Variants in PRKCE observed in about 807,000 individuals in gnomAD.
The protein encoded by PRKCE is protein kinase C epsilon.
Under a neutral mutation model 85.4 loss-of-function variants are expected in PRKCE, and 16 were observed. That is an observed-to-expected ratio of 0.19 (90% CI 0.13 to 0.28). The LOEUF (loss-of-function observed/expected upper bound fraction) is 0.28. Ranked by LOEUF, PRKCE falls within the 10% of genes least tolerant of loss-of-function variation. PRKCE has a pLI of 1.00. For missense variants in PRKCE, 573 were observed against 975.2 expected (o/e 0.59, Z 5.49); for synonymous variants, 388 against 371.5 (o/e 1.04, Z -0.51).
chr2:46,104,808 A>C (rs914960965), intron 11 of PRKCE, among the ~76,000 whole-genome samples: 1 of 152,208 alleles, frequency 6.6e-6, no homozygotes, highest in Admixed American at 6.5e-5. Context: ...GTTCTTGTCC[A>C]GGTCCTTTTG....
At chr2:46,179,497 GC>G (rs922205180) in intron 14 of PRKCE, among the ~76,000 whole-genome samples, 1 of 152,018 alleles carries the variant, frequency 6.6e-6, no homozygotes, top group Non-Finnish European at 1.5e-5. Flanking sequence ...CCAAAAATGT[GC>G]CCTTCCCCCA....
intron 2 of PRKCE, among the ~76,000 whole-genome samples, chr2:45,932,190 A>G (rs1699097579): frequency 6.6e-6 from 1 of 152,166 alleles, no homozygotes; most frequent in South Asian, 2.1e-4. Flanking sequence ...TACAGTGTAT[A>G]CTGTTGTGTC....
intron 2 of PRKCE, among the ~76,000 whole-genome samples, chr2:45,901,049 C>G (rs1004813531): frequency 2.6e-5 from 4 of 152,124 alleles, no homozygotes; most frequent in African/African-American, 9.7e-5. Flanking sequence ...GCTGGGTTGG[C>G]TAGGGAAAGA....
At chr2:45,780,874 C>T (rs1686127548) in intron 1 of PRKCE, among the ~76,000 whole-genome samples, 1 of 152,202 alleles carries the variant, frequency 6.6e-6, no homozygotes, top group Admixed American at 6.5e-5. Context: ...TTCCAATTCT[C>T]AGCTAGCTCA....
At chr2:46,153,311 CTATT>C (rs906033195) in intron 13 of PRKCE, among the ~76,000 whole-genome samples, 1 of 152,158 alleles carries the variant, frequency 6.6e-6, no homozygotes, top group African/African-American at 2.4e-5. Flanking sequence ...CTAGTAAAGA[CTATT>C]TATTCATTTA....
intron 1 of PRKCE, among the ~76,000 whole-genome samples, chr2:45,672,266 C>T (rs1290004888): frequency 6.6e-6 from 1 of 151,994 alleles, no homozygotes; most frequent in Non-Finnish European, 1.5e-5. Flanking sequence ...ATCCATCCAT[C>T]CATCCATCCA....
At chr2:46,144,615 T>A (rs6544873) in intron 11 of PRKCE, among the ~76,000 whole-genome samples, 2 of 152,126 alleles carry the variant, frequency 1.3e-5, no homozygotes, top group African/African-American at 2.4e-5. Context: ...CCCGCTCTGA[T>A]GCACATTAGC....
chr2:46,053,127 A>C (rs1465868364), intron 10 of PRKCE, among the ~76,000 whole-genome samples: 1 of 152,214 alleles, frequency 6.6e-6, no homozygotes, highest in African/African-American at 2.4e-5. Flanking sequence ...ATTTCAAAGA[A>C]ATAACTGAAT....
intron 1 of PRKCE, among the ~76,000 whole-genome samples, chr2:45,657,959 C>T (rs537970087): frequency 1.3e-5 from 2 of 152,370 alleles, no homozygotes; most frequent in South Asian, 2.1e-4. Flanking sequence ...CCTGCTGCAT[C>T]TCCTACAATG....
intron 2 of PRKCE, among the ~76,000 whole-genome samples, chr2:45,968,351 T>C (rs1431277347): frequency 6.6e-6 from 1 of 152,212 alleles, no homozygotes; most frequent in Middle Eastern, 3.2e-3. Flanking sequence ...CATTATTCCA[T>C]TATTCTAAGT....
At chr2:45,700,527 A>G (rs187215888) in intron 1 of PRKCE, 2 of 151,994 alleles carry the variant, frequency 1.3e-5, no homozygotes, top group Non-Finnish European at 2.9e-5. Context: ...TGATGTAATA[A>G]ATTTCCTCCA....
intron 2 of PRKCE, among the ~76,000 whole-genome samples, chr2:45,944,655 A>AT (rs71394861): frequency 0.028 from 2,103 of 75,368 alleles, 254 homozygotes; most frequent in African/African-American, 0.12. Context: ...TACCCGGCTA[A>AT]TTTTTTTTTT....
intron 10 of PRKCE, among the ~76,000 whole-genome samples, chr2:46,036,343 G>A (rs1324065317): frequency 6.6e-6 from 1 of 152,226 alleles, no homozygotes. Flanking sequence ...TTGGGAGGCT[G>A]AGGCAGGAGG....
intron 1 of PRKCE, among the ~76,000 whole-genome samples, chr2:45,665,530 C>A (rs1675869737): frequency 6.6e-6 from 1 of 152,166 alleles, no homozygotes; most frequent in South Asian, 2.1e-4. Context: ...TGCAGAGTCA[C>A]CACGTCTTGA....
chr2:45,696,006 T>C (rs1016087266), intron 1 of PRKCE, among the ~76,000 whole-genome samples: 3 of 152,206 alleles, frequency 2.0e-5, no homozygotes, highest in African/African-American at 7.2e-5. Context: ...TAGTTACATA[T>C]GTATACATGT....
intron 8 of PRKCE, among the ~76,000 whole-genome samples, chr2:46,005,249 G>A (rs1274524617): frequency 1.3e-5 from 2 of 152,184 alleles, no homozygotes; most frequent in African/African-American, 4.8e-5. Context: ...CAGACAATAA[G>A]TTCTGCAGAC....
chr2:45,739,197 C>T (rs1682341680), intron 1 of PRKCE, among the ~76,000 whole-genome samples: 1 of 152,216 alleles, frequency 6.6e-6, no homozygotes, highest in Non-Finnish European at 1.5e-5. Flanking sequence ...CTCCTGGTAG[C>T]TTTAGCAGAA....
intron 2 of PRKCE, among the ~76,000 whole-genome samples, chr2:45,850,260 T>A (rs1692144389): frequency 1.3e-5 from 2 of 152,214 alleles, no homozygotes; most frequent in South Asian, 4.1e-4. Context: ...GTCTTACCAA[T>A]AAAATAATTG....
intron 2 of PRKCE, among the ~76,000 whole-genome samples, chr2:45,884,862 C>G (rs1172611544): frequency 6.6e-6 from 1 of 150,760 alleles, no homozygotes; most frequent in Non-Finnish European, 1.5e-5. Context: ...ACTTCTGTCT[C>G]CTTCTGGAAA....
Sources: gnomAD v4.1 joint callset for allele counts (sites outside exome capture counted in the v4.1 genomes callset) on GRCh38, gnomAD v4.1.1 for gene constraint, MANE v1.5 for transcripts, NCBI Gene and HGNC (gene_info 2026-07-23, HGNC 2026-07-21) for gene names.